ARSA: variants seen among roughly 807,000 people sequenced by gnomAD.
The protein encoded by ARSA is cerebroside-sulfatase.
ARSA carries 32 observed loss-of-function variants against 37.8 expected under a neutral mutation model. That is an observed-to-expected ratio of 0.85 (90% confidence interval 0.64 to 1.14). The LOEUF (loss-of-function observed/expected upper bound fraction) is 1.14. ARSA is among the 50% of genes most tolerant of loss of function. The pLI, the probability that ARSA is intolerant of heterozygous loss-of-function variation, is 0.00. For missense variants in ARSA, 685 were observed against 686.3 expected (o/e 1.00, Z 0.02); for synonymous variants, 303 against 303.4 (o/e 1.00, Z 0.01).
Position 50,625,428 on chromosome 22 carries a change from C to A in ARSA, c.1247G>T (p.Cys416Phe). The A allele has an allele frequency of 6.3e-7, 1 of 1,595,284 alleles. No individual in the cohort carries two copies. Among genetic ancestry groups the A allele is most frequent in the Non-Finnish European group, 8.6e-7 (1 of 1,168,436 alleles). ...AGCAGTCAGAGAGCTGGAGGCGTGG[C>A]AGGCAGGGTCTGCAGTGGTATCACT... Reference protein sequence around the residue: ...AHSDTTADPACHASSSLTAHE... With the variant: ...AHSDTTADPAFHASSSLTAHE... Residue 416 changes from cysteine (C) to phenylalanine (F), a missense_variant, in exon 8 of 8, where the codon TGC becomes TTC. Coordinates refer to ENST00000216124, the MANE Select transcript of ARSA (RefSeq NM_000487.6).
At chr22:50,626,541 G>A (rs1213491341) in intron 4 of ARSA, 50 bp downstream of exon 4, 5 of 1,605,036 alleles carry the variant, frequency 3.1e-6, no homozygotes, top group Non-Finnish European at 4.2e-6. Context: ...AGGCCTCCAG[G>A]GCCCTGGCCC....
Position 50,627,674 on chromosome 22 carries a change from C to A in ARSA, c.106G>T (p.Gly36Trp). ...GGGTGCCCATAGCAGCCCAGGTCCC[C>A]ATAGCCGAGGTCGTCGGCAAAGATC... is the stretch of plus-strand genomic sequence containing the variant. ...VLIFADDLGY[G>W]DLGCYGHPSS... is the part of the protein sequence containing the mutation. The change falls in exon 1 of 8, where the codon GGG (glycine) becomes TGG (tryptophan). Residue 36 changes from glycine to tryptophan, a missense_variant. By Grantham distance (184) the Gly-to-Trp change is radical (BLOSUM62 -2). Coordinates refer to ENST00000216124, the MANE Select transcript of ARSA (RefSeq NM_000487.6). The A allele has an allele frequency of 6.4e-7, 1 of 1,558,360 alleles. No individual in the cohort carries two copies. The highest frequency in any genetic ancestry group is 2.4e-5 in the East Asian group (1 of 41,766).
At chr22:50,626,791 T>G (rs771020555) in intron 3 of ARSA, 31 bp from the exon 4 acceptor site, 21 of 1,611,360 alleles carry the variant, frequency 1.3e-5, no homozygotes, top group Non-Finnish European at 1.7e-5. Flanking sequence ...TAGCACTGGG[T>G]AGGGGTCACG....
chr22:50,627,926 G>T lies in ARSA; in HGVS notation c.-147C>A. The stretch of plus-strand genomic sequence containing the variant: ...GACGGCCGCCTCCTGAAGCTCCAGA[G>T]GGCCGGGGCCCGACAGTACCGGGAG... On this transcript the variant is annotated 5_prime_UTR_variant, in exon 1 of 8. Transcript: ENST00000216124. 1 of 786,922 alleles carries T rather than the reference G, an allele frequency of 1.3e-6. No homozygotes were observed. Among genetic ancestry groups the T allele is most frequent in the Non-Finnish European group, 2.0e-6 (1 of 502,826 alleles). 48.7% of individuals were successfully genotyped at this position (786,922 alleles called of 1,614,324 possible). A position where few individuals can be genotyped will look rare whatever the true frequency, so the allele number is the denominator to read the frequency against.
Position 50,627,400 on chromosome 22 carries a change from G to A in ARSA, c.231C>T (p.Ala77=). The change falls in exon 2 of 8, where the codon GCC becomes GCT. Residue 77 remains alanine, a synonymous_variant. Coordinates refer to ENST00000216124, the MANE Select transcript of ARSA (RefSeq NM_000487.6). Reference sequence around the variant, plus strand: ...GAACCGGGAGCCGGCCGGTCAGGAGGGCGGCCCTGCGGGACAAGTCACAGA... The same window carrying A: ...GAACCGGGAGCCGGCCGGTCAGGAGAGCGGCCCTGCGGGACAAGTCACAGA... ...PVSLCTPSRA[A]LLTGRLPVRM... The A allele has an allele frequency of 3.7e-6, 6 of 1,608,422 alleles. No homozygotes were observed. The highest frequency in any genetic ancestry group is 5.1e-6 in the Non-Finnish European group (6 of 1,179,336).
intron 6 of ARSA, 55 bp from the exon 7 acceptor site, chr22:50,625,736 C>A: frequency 6.3e-7 from 1 of 1,583,284 alleles, no homozygotes; most frequent in Non-Finnish European, 8.7e-7. Flanking sequence ...ACTGCACATA[C>A]CTGGGGCTGC....
rs144393886 is a variant in ARSA, at chr22:50,626,926, C to G, written c.592G>C (p.Gly198Arg). 4 of 1,613,278 alleles carry G rather than the reference C, an allele frequency of 2.5e-6. No homozygotes were observed. In the South Asian group the frequency reaches 4.4e-5, roughly 18 times the overall value. The change falls in exon 3 of 8, where the codon GGA becomes CGA. Residue 198 changes from glycine (G) to arginine (R), a missense_variant. By Grantham distance (125) the Gly-to-Arg change is moderately radical (BLOSUM62 -2). Transcript: ENST00000216124. ...AAAGCCATGTAGCGGGCCTCTAGTCCGGGCAGCCAGGGGGGCTGCGCCTCC... is the reference window on the plus strand; with the variant it reads ...AAAGCCATGTAGCGGGCCTCTAGTCGGGGCAGCCAGGGGGGCTGCGCCTCC... ...SVEAQPPWLP[G>R]LEARYMAFAH...
chr22:50,626,988 C>CCCTGGTCACAGCCACCGT lies in ARSA; in HGVS notation c.512_529dup (p.Asp171_Gln176dup). 1 of 1,612,582 alleles carries CCCTGGTCACAGCCACCGT rather than the reference C, an allele frequency of 6.2e-7. No individual in the cohort carries two copies. Among genetic ancestry groups the CCCTGGTCACAGCCACCGT allele is most frequent in the Non-Finnish European group, 8.5e-7 (1 of 1,179,792 alleles). On this transcript the variant is annotated inframe_insertion, in exon 3 of 8. Transcript: ENST00000216124. ...GGCCAACAGTGGGATGGGGACCAGG[C>CCCTGGTCACAGCCACCGT]CCTGGTCACAGCCACCGTCGCAAGG... is the stretch of plus-strand genomic sequence containing the variant.
At position 50,625,653 on chromosome 22, in the gene ARSA, G is replaced by A. The variant is rs74315478; in HGVS notation, c.1136C>T (p.Pro379Leu). Residue 379 changes from proline to leucine, a missense_variant, in exon 7 of 8, where the codon CCG becomes CTG. Pro to Leu is a moderately conservative substitution (Grantham distance 98). Transcript: ENST00000216124. ...KSPRQSLFFY[P>L]SYPDEVRGVF... ...CCCACGGACCTCGTCTGGGTAGGAC[G>A]GGTAGAAGAAGAGAGACTGCCGAGG... is the stretch of plus-strand genomic sequence containing the variant. 1.2e-5 allele frequency: 19 copies of A among 1,613,756 alleles called. No individual in the cohort carries two copies. Among genetic ancestry groups the A allele is most frequent in the Middle Eastern group, 3.3e-4 (2 of 6,058 alleles).
chr22:50,627,264 C>G lies in ARSA; in HGVS notation c.367G>C (p.Ala123Pro). ...CCCACCCCAAGGTGCCACTTGCCGG[C>G]CATTCCTGTGAGGTAGCCTCGGGCA... Reference protein sequence around the residue: ...LAARGYLTGMAGKWHLGVGPE... With the variant: ...LAARGYLTGMPGKWHLGVGPE... The change falls in exon 2 of 8, where the codon GCC (alanine) becomes CCC (proline). Residue 123 changes from alanine (A) to proline (P), a missense_variant. Physicochemically the swap from Ala to Pro is conservative, Grantham distance 27 (BLOSUM62 -1). Transcript: ENST00000216124. The G allele has an allele frequency of 6.2e-7, 1 of 1,600,774 alleles. No homozygotes were observed. Among genetic ancestry groups the G allele is most frequent in the Non-Finnish European group, 8.5e-7 (1 of 1,174,424 alleles).
Position 50,626,680 on chromosome 22 carries a change from C to G in ARSA, c.765G>C (p.Glu255Asp), listed in dbSNP as rs372250391. The change falls in exon 4 of 8, where the codon GAG becomes GAC. Residue 255 changes from glutamate to aspartate, a missense_variant. Transcript: ENST00000216124. Reference sequence around the variant, plus strand: ...TCAGGGTCCCCACAGCTGCATCCAGCTCCATCAGGGAGTCCCCAAATGGCC... The same window carrying G: ...TCAGGGTCCCCACAGCTGCATCCAGGTCCATCAGGGAGTCCCCAAATGGCC... ...GRGPFGDSLM[E>D]LDAAVGTLMT... is the part of the protein sequence containing the mutation. The G allele has an allele frequency of 4.3e-6, 7 of 1,614,064 alleles. No homozygotes were observed. Among genetic ancestry groups the G allele is most frequent in the African/African-American group, 2.7e-5 (2 of 74,954 alleles).
chr22:50,625,810 C>A (rs968879575), intron 6 of ARSA, 126 bp downstream of exon 6: 50 of 1,540,482 alleles, frequency 3.2e-5, no homozygotes, highest in South Asian at 2.2e-4. Context: ...TGAGAGGTGG[C>A]GCCACTTGGA....
In ARSA at chr22:50,627,224, AAGGCCCCCTC is replaced by A; in HGVS notation, c.397_406del (p.Glu133SerfsTer12). ...ATGGAAGCCCTGATGGGGGGGCAGG[AAGGCCCCCTC>A]AGGCCCCACCCCAAGGTGCCACTTG... On this transcript the variant is annotated frameshift_variant, in exon 2 of 8. Transcript: ENST00000216124. LOFTEE classifies it high-confidence loss of function. 1 of 1,611,340 alleles carries A rather than the reference AAGGCCCCCTC, an allele frequency of 6.2e-7. No homozygotes were observed. Among genetic ancestry groups the A allele is most frequent in the African/African-American group, 1.3e-5 (1 of 74,980 alleles).
In ARSA at chr22:50,623,898, CAAAAAAAAAAAAAAAAAAAAAAAAAAAA is replaced by C. The variant is rs131716; in HGVS notation, c.*1219_*1246del. The C allele has an allele frequency of 7.1e-6, 1 of 141,750 alleles. No individual in the cohort carries two copies. Among genetic ancestry groups the C allele is most frequent in the Non-Finnish European group, 1.6e-5 (1 of 64,152 alleles). The allele number at this position is 141,750 out of a possible 1,614,324, so 8.8% of individuals were successfully genotyped here. A position where few individuals can be genotyped will look rare whatever the true frequency, so the allele number is the denominator to read the frequency against. On this transcript the variant is annotated 3_prime_UTR_variant, in exon 8 of 8. Transcript: ENST00000216124. ...TGGGCGACAGAGCGAGACTCCGTCT[CAAAAAAAAAAAAAAAAAAAAAAAAAAAA>C]AAAAAAAAAAAACAAAAACAAATCT...
rs7288050 is a variant in ARSA at position 50,624,290 on chromosome 22, C to T, written c.*855G>A. 0.41 allele frequency among the ~76,000 whole-genome samples: 62,054 copies of T among 151,966 alleles called. 13,211 individuals are homozygous for T. The highest frequency in any genetic ancestry group is 0.48 in the Non-Finnish European group (32,380 of 67,938). On this transcript the variant is annotated 3_prime_UTR_variant, in exon 8 of 8. Coordinates refer to ENST00000216124, the MANE Select transcript of ARSA (RefSeq NM_000487.6). ...TTCTCCATGTTGGTCAGGCTGGTCT[C>T]GAACTCCCGACCTCAGGTGATCCAC...
In ARSA at chr22:50,628,064, T is replaced by C. The variant is rs1445738359; in HGVS notation, c.-285A>G. The C allele has an allele frequency of 2.2e-6, 1 of 449,674 alleles. No homozygotes were observed. The highest frequency in any genetic ancestry group is 3.5e-5 in the Admixed American group (1 of 28,358). The allele number at this position is 449,674 out of a possible 1,614,324, so 27.9% of individuals were successfully genotyped here. ...GCTCAGGGTCGGGGGCGTAAGTCAC[T>C]TGGCGCTGACCAGCGGAGTCGGGCC... On this transcript the variant is annotated 5_prime_UTR_variant, in exon 1 of 8. Coordinates refer to ENST00000216124, the MANE Select transcript of ARSA (RefSeq NM_000487.6).
rs763446964 is a variant in ARSA at position 50,625,980 on chromosome 22, A to C, written c.1063T>G (p.Leu355Val). The change falls in exon 6 of 8, where the codon TTG becomes GTG. Residue 355 changes from leucine (L) to valine (V), a missense_variant. Coordinates refer to ENST00000216124, the MANE Select transcript of ARSA (RefSeq NM_000487.6). ...AGGGGGCTGAGGTCAAAGCCATCCA[A>C]GGTGACATTGGGCAGTGGGGCCCCA... Reference protein sequence around the residue: ...LAGAPLPNVTLDGFDLSPLLL... With the variant: ...LAGAPLPNVTVDGFDLSPLLL... 15 of 1,576,018 alleles carry C rather than the reference A, an allele frequency of 9.5e-6. No homozygotes were observed. The highest frequency in any genetic ancestry group is 1.3e-5 in the Non-Finnish European group (15 of 1,161,660).
chr22:50,626,883 G>C lies in ARSA; in HGVS notation c.635C>G (p.Ala212Gly). The C allele has an allele frequency of 1.3e-5, 21 of 1,613,498 alleles. No individual in the cohort carries two copies. The highest frequency in any genetic ancestry group is 1.8e-5 in the Non-Finnish European group (21 of 1,179,886). Reference protein sequence around the residue: ...RYMAFAHDLMADAQRQDRPFF... With the variant: ...RYMAFAHDLMGDAQRQDRPFF... Reference sequence around the variant, plus strand: ...GGGGCGATCCTGGCGCTGGGCGTCGGCCATGAGGTCATGGGCGAAAGCCAT... The same window carrying C: ...GGGGCGATCCTGGCGCTGGGCGTCGCCCATGAGGTCATGGGCGAAAGCCAT... Residue 212 changes from alanine to glycine, a missense_variant, in exon 3 of 8, where the codon GCC becomes GGC. Transcript: ENST00000216124.
In ARSA at chr22:50,622,812, G is replaced by A. The variant is rs2146709130; in HGVS notation, c.*2333C>T. On this transcript the variant is annotated 3_prime_UTR_variant, in exon 8 of 8. Coordinates refer to ENST00000216124, the MANE Select transcript of ARSA (RefSeq NM_000487.6). ...TTGGAGCTCTCCAGGTAGGCAGCTGGAGACACTGGGTTAGCAGCTGCCCAG... is the reference window on the plus strand; with the variant it reads ...TTGGAGCTCTCCAGGTAGGCAGCTGAAGACACTGGGTTAGCAGCTGCCCAG... 6.6e-6 allele frequency: 1 copy of A among 152,274 alleles called. No homozygotes were observed. Among genetic ancestry groups the A allele is most frequent in the Non-Finnish European group, 1.5e-5 (1 of 68,042 alleles). 9.4% of individuals were successfully genotyped at this position (152,274 alleles called of 1,614,324 possible).
Sources: allele counts gnomAD v4.1 joint callset (sites outside exome capture counted in the v4.1 genomes callset), GRCh38; gene constraint gnomAD v4.1.1; transcripts MANE v1.5; gene names NCBI Gene and HGNC (gene_info 2026-07-23, HGNC 2026-07-21).